The following LYPD6 variants were observed in gnomAD, a reference collection of about 807,000 sequenced individuals.
LYPD6 encodes LY6/PLAUR domain containing 6, also known as ly6/PLAUR domain-containing protein 6.
In LYPD6, 15 loss-of-function variants were observed where a neutral mutation model predicts 22.7. The observed-to-expected ratio is 0.66, with a 90% CI of 0.44 to 1.02. The LOEUF (loss-of-function observed/expected upper bound fraction) is 1.02, where lower values mean the gene tolerates loss of function less well. LYPD6 is among the 50% of genes least tolerant of loss of function. LYPD6 has a pLI of 0.00. For missense variants in LYPD6, 189 were observed against 208.4 expected, an observed-to-expected ratio of 0.91 and a Z score of 0.57; for synonymous variants, 72 against 77.5, an observed-to-expected ratio of 0.93 and a Z score of 0.37.
chr2:149,411,050 G>A (rs1030510467), intron 1 of LYPD6, among the ~76,000 whole-genome samples: 1 of 152,180 alleles, frequency 6.6e-6, no homozygotes, highest in Non-Finnish European at 1.5e-5. Context: ...ACAGTGGAAT[G>A]GTTGGTCTAA....
At chr2:149,408,081 C>A (rs866978626) in intron 1 of LYPD6, among the ~76,000 whole-genome samples, 1 of 152,124 alleles carries the variant, frequency 6.6e-6, no homozygotes, top group Admixed American at 6.5e-5. Flanking sequence ...GCTGTCTGAT[C>A]GTTCCTCTAG....
At chr2:149,469,143 C>T (rs1220035630) in intron 4 of LYPD6, among the ~76,000 whole-genome samples, 2 of 152,146 alleles carry the variant, frequency 1.3e-5, no homozygotes, top group Non-Finnish European at 1.5e-5. Flanking sequence ...GGAGGACCGA[C>T]GCAATTCAGC....
intron 1 of LYPD6, among the ~76,000 whole-genome samples, chr2:149,420,368 G>T (rs542825319): frequency 2.0e-5 from 3 of 152,300 alleles, no homozygotes; most frequent in South Asian, 4.1e-4. Flanking sequence ...GAAAATGTTG[G>T]TGTCTGTGTG....
chr2:149,476,773 C>T (rs549232036), downstream of LYPD6, among the ~76,000 whole-genome samples: 8 of 152,188 alleles, frequency 5.3e-5, no homozygotes, highest in Non-Finnish European at 1.0e-4. Context: ...GAATTTGCAC[C>T]CGGAGTCTGA....
chr2:149,377,077 G>A (rs1055502427), intron 1 of LYPD6, among the ~76,000 whole-genome samples: 1 of 152,190 alleles, frequency 6.6e-6, no homozygotes, highest in African/African-American at 2.4e-5. Context: ...CTTAACCAGG[G>A]TCTGGACTAT....
intron 1 of LYPD6, among the ~76,000 whole-genome samples, chr2:149,349,906 G>A (rs1681327493): frequency 6.6e-6 from 1 of 151,854 alleles, no homozygotes; most frequent in Non-Finnish European, 1.5e-5. Context: ...ACTTTCTCTT[G>A]TTCTTAGATT....
intron 1 of LYPD6, among the ~76,000 whole-genome samples, chr2:149,418,153 G>A (rs1683004163): frequency 6.6e-6 from 1 of 152,186 alleles, no homozygotes; most frequent in African/African-American, 2.4e-5. Flanking sequence ...ACAGCAGGAA[G>A]GCATCAAGAG....
intron 1 of LYPD6, among the ~76,000 whole-genome samples, chr2:149,405,349 G>T (rs542803624): frequency 6.2e-4 from 95 of 152,262 alleles, no homozygotes; most frequent in African/African-American, 2.1e-3. Context: ...ATTTGGCTGT[G>T]AATCCATCTG....
At chr2:149,423,144 C>T (rs1229557896) in intron 1 of LYPD6, among the ~76,000 whole-genome samples, 1 of 152,038 alleles carries the variant, frequency 6.6e-6, no homozygotes, top group Non-Finnish European at 1.5e-5. Flanking sequence ...AGGGTGACCT[C>T]ATATGTACCT....
intron 3 of LYPD6, among the ~76,000 whole-genome samples, chr2:149,462,349 A>C (rs182740889): frequency 0.013 from 2,017 of 152,108 alleles, 56 homozygotes; most frequent in African/African-American, 0.047. Context: ...AAATACTTCC[A>C]GGTAAATCTA....
At chr2:149,436,636 A>G (rs1057218406) in intron 1 of LYPD6, among the ~76,000 whole-genome samples, 3 of 152,000 alleles carry the variant, frequency 2.0e-5, no homozygotes, top group African/African-American at 7.2e-5. Context: ...CTGGAGTGCA[A>G]TGGCACAAAG....
rs140637521 is a variant in LYPD6, at chr2:149,366,326, G to A, written c.-72+35604G>A. 1.3e-3 allele frequency among the ~76,000 whole-genome samples: 193 copies of A among 152,244 alleles called. 1 individual carries two copies. The highest frequency in any genetic ancestry group is 2.0e-3 in the Non-Finnish European group (138 of 68,022). Reference sequence around the variant, plus strand: ...CAATTTTAGATAAATAAATGCCGGCGTGTTCACAGGCAGGAAAACACTGCA... The same window carrying A: ...CAATTTTAGATAAATAAATGCCGGCATGTTCACAGGCAGGAAAACACTGCA... On this transcript the variant is annotated intron_variant, in intron 1 of 4. Transcript: ENST00000334166.
chr2:149,463,262 T>C (rs1156902953), intron 3 of LYPD6, among the ~76,000 whole-genome samples: 1 of 152,008 alleles, frequency 6.6e-6, no homozygotes, highest in Non-Finnish European at 1.5e-5. Flanking sequence ...GATAACCAGA[T>C]GGCAAATAAA....
chr2:149,374,815 T>C (rs1246229814), intron 1 of LYPD6, among the ~76,000 whole-genome samples: 1 of 152,216 alleles, frequency 6.6e-6, no homozygotes, highest in African/African-American at 2.4e-5. Context: ...AGCATAGTCA[T>C]ATTTATGCAA....
intron 1 of LYPD6, among the ~76,000 whole-genome samples, chr2:149,382,426 A>T (rs750695891): frequency 1.3e-5 from 2 of 152,200 alleles, no homozygotes; most frequent in Non-Finnish European, 2.9e-5. Flanking sequence ...TCATTTAATC[A>T]GTCTTAATTC....
At chr2:149,406,641 G>A (rs1573779612) in intron 1 of LYPD6, among the ~76,000 whole-genome samples, 1 of 152,138 alleles carries the variant, frequency 6.6e-6, no homozygotes, top group East Asian at 1.9e-4. Context: ...CACGTGAGAT[G>A]GGTTTCCTGA....
intron 1 of LYPD6, among the ~76,000 whole-genome samples, chr2:149,379,528 A>T (rs16826926): frequency 6.6e-5 from 10 of 152,226 alleles, no homozygotes; most frequent in African/African-American, 9.6e-5. Flanking sequence ...ATTAGATTCA[A>T]TGAAAATCAG....
the LYPD6 span, among the ~76,000 whole-genome samples, chr2:149,484,789 T>C: frequency 6.6e-6 from 1 of 151,904 alleles, no homozygotes; most frequent in East Asian, 1.9e-4. Context: ...AATGAGCAAA[T>C]GAGTAATTTA....
In LYPD6 at chr2:149,471,040, G is replaced by T. The variant is rs187901245; in HGVS notation, c.*190G>T. The T allele has an allele frequency of 1.6e-5, 8 of 502,472 alleles. No homozygotes were observed. In the Admixed American group the frequency reaches 2.3e-4, roughly 14 times the overall value. The allele number at this position is 502,472 out of a possible 1,614,324, so 31.1% of individuals were successfully genotyped here. A position where few individuals can be genotyped will look rare whatever the true frequency, so the allele number is the denominator to read the frequency against. On this transcript the variant is annotated 3_prime_UTR_variant, in exon 5 of 5. Transcript: ENST00000334166. Reference sequence around the variant, plus strand: ...CATTGTAGCCATTTTGAGTCTAACCGAGACTCATCAAAGCCTTCTGTCAGT... The same window carrying T: ...CATTGTAGCCATTTTGAGTCTAACCTAGACTCATCAAAGCCTTCTGTCAGT...
Sources: gnomAD v4.1 joint callset for allele counts (sites outside exome capture counted in the v4.1 genomes callset) on GRCh38, gnomAD v4.1.1 for gene constraint, MANE v1.5 for transcripts, NCBI Gene and HGNC (gene_info 2026-07-23, HGNC 2026-07-21) for gene names.